The following NPAT variants were observed in gnomAD, a reference collection of about 807,000 sequenced individuals.
NPAT encodes the protein nuclear protein, coactivator of histone transcription.
In NPAT, 52 loss-of-function variants were observed where a neutral mutation model predicts 130.7. That is an observed-to-expected ratio of 0.40 (90% CI 0.32 to 0.50). The LOEUF (loss-of-function observed/expected upper bound fraction) is 0.50, where lower values mean the gene tolerates loss of function less well. Among genes scored for constraint, NPAT ranks in the 20% least tolerant of loss-of-function variants. The pLI is 0.68. For missense variants in NPAT, 1,687 were observed against 1,662.6 expected (o/e 1.01, Z -0.26); for synonymous variants, 580 against 584.8 (o/e 0.99, Z 0.12).
At chr11:108,170,607 T>G (rs2077941635) in intron 13 of NPAT, among the ~76,000 whole-genome samples, 1 of 152,232 alleles carries the variant, frequency 6.6e-6, no homozygotes, top group Admixed American at 6.5e-5. Flanking sequence ...ACAACATAGT[T>G]TGTGGCTACT....
intron 15 of NPAT, 48 bp downstream of exon 15, chr11:108,169,696 A>G (rs766312899): frequency 7.6e-7 from 1 of 1,308,632 alleles, no homozygotes; most frequent in Non-Finnish European, 1.1e-6. Context: ...CTGCAAACAA[A>G]TGAACATACA....
intron 13 of NPAT, 85 bp from the exon 14 acceptor site, chr11:108,170,128 C>A: frequency 1.2e-6 from 1 of 806,882 alleles, no homozygotes; most frequent in South Asian, 1.4e-5. Flanking sequence ...AAATTAATTA[C>A]TGCTTTGAAA....
At chr11:108,212,530 A>G (rs1237965097) in intron 1 of NPAT, among the ~76,000 whole-genome samples, 2 of 143,926 alleles carry the variant, frequency 1.4e-5, no homozygotes, top group Admixed American at 7.0e-5. Context: ...GTCTCAAAAG[A>G]AAAAAAAAAA....
rs2077844337 is a variant in NPAT, at chr11:108,161,215, A to AG, written c.3870dup (p.Ser1291LeufsTer2). 1.2e-6 allele frequency: 2 copies of AG among 1,613,976 alleles called. No individual in the cohort carries two copies. Among genetic ancestry groups the AG allele is most frequent in the Admixed American group, 1.7e-5 (1 of 59,986 alleles). On this transcript the variant is annotated frameshift_variant, in exon 17 of 18. Coordinates refer to ENST00000278612, the MANE Select transcript of NPAT (RefSeq NM_002519.3). LOFTEE classifies it high-confidence loss of function. ...CTGTCTTCACTGAAACGCCTACTAG[A>AG]GGGGGCCTTGATAATATCTATAGGT...
Position 108,179,826 on chromosome 11 carries a change from TAAGGGAA to T in NPAT, c.907-2743_907-2737del, listed in dbSNP as rs1451477258. Among the ~76,000 whole-genome samples the T allele has an allele frequency of 4.0e-5, 6 of 151,836 alleles. No individual in the cohort carries two copies. In the East Asian group the frequency reaches 1.2e-3, roughly 29 times the overall value. On this transcript the variant is annotated intron_variant, in intron 10 of 17. Transcript: ENST00000278612. ...AATAAAATAAAATAAAAAGAAATCATAAGGGAAAAGCTTCATGAGGTTAAACAGCCCA... is the reference window on the plus strand; with the variant it reads ...AATAAAATAAAATAAAAAGAAATCATAAGCTTCATGAGGTTAAACAGCCCA...
At chr11:108,204,126 G>A (rs903272521) in intron 1 of NPAT, among the ~76,000 whole-genome samples, 1 of 152,146 alleles carries the variant, frequency 6.6e-6, no homozygotes, top group Non-Finnish European at 1.5e-5. Context: ...GCAGTTAGAT[G>A]TACTTCTTCA....
intron 1 of NPAT, among the ~76,000 whole-genome samples, chr11:108,202,682 A>T (rs2134882066): frequency 6.6e-6 from 1 of 152,306 alleles, no homozygotes; most frequent in East Asian, 1.9e-4. Context: ...TGCCTTAGAA[A>T]TAATCCCCTC....
chr11:108,206,061 A>G (rs550724881), intron 1 of NPAT, among the ~76,000 whole-genome samples: 14 of 152,368 alleles, frequency 9.2e-5, no homozygotes, highest in African/African-American at 2.9e-4. Context: ...ACATAAATAA[A>G]TAAATAAAAA....
rs548421624 is a variant in NPAT, at chr11:108,214,497, G to C, written c.37+8003C>G. ...GTATAAGGATTCTCTTTGGAGTGAT[G>C]GAAATATTGAAATTACTGGTGATAT... On this transcript the variant is annotated intron_variant, in intron 1 of 17. Coordinates refer to ENST00000278612, the MANE Select transcript of NPAT (RefSeq NM_002519.3). Among the ~76,000 whole-genome samples, 9 of 152,004 alleles carry C rather than the reference G, an allele frequency of 5.9e-5. No homozygotes were observed. The South Asian group carries it at 1.7e-3, about 28-fold the overall frequency.
At chr11:108,213,462 G>A (rs998679049) in intron 1 of NPAT, among the ~76,000 whole-genome samples, 1 of 152,030 alleles carries the variant, frequency 6.6e-6, no homozygotes, top group African/African-American at 2.4e-5. Flanking sequence ...AAAAGTAAAG[G>A]ACTTGCATAC....
chr11:108,208,293 A>C, intron 1 of NPAT: 1 of 329,438 alleles, frequency 3.0e-6, no homozygotes, highest in Non-Finnish European at 6.0e-6. Flanking sequence ...AAAGATAATG[A>C]CAAAAAAGGT....
chr11:108,189,389 A>C, intron 5 of NPAT, 59 bp from the exon 6 acceptor site: 1 of 1,452,882 alleles, frequency 6.9e-7, no homozygotes, highest in Non-Finnish European at 9.7e-7. Context: ...GGGAATTGTA[A>C]GAAGTCAATA....
chr11:108,175,498 T>A (rs616288), intron 12 of NPAT, among the ~76,000 whole-genome samples: 152,010 of 152,374 alleles, frequency 1, 75,823 homozygotes, highest in Middle Eastern at 1. Context: ...TGAAGTAGGA[T>A]GACTTTCTCA....
intron 10 of NPAT, among the ~76,000 whole-genome samples, chr11:108,180,405 T>C (rs1257158746): frequency 6.6e-6 from 1 of 152,122 alleles, no homozygotes; most frequent in Non-Finnish European, 1.5e-5. Flanking sequence ...AATGAACAAA[T>C]AACTTAAACA....
At chr11:108,189,559 A>G (rs1035128244) in intron 5 of NPAT, among the ~76,000 whole-genome samples, 4 of 152,268 alleles carry the variant, frequency 2.6e-5, no homozygotes, top group African/African-American at 9.6e-5. Flanking sequence ...ATTAATATTG[A>G]TAACACCATG....
chr11:108,162,259 TATC>T, intron 15 of NPAT, 79 bp from the exon 16 acceptor site: 1 of 1,314,668 alleles, frequency 7.6e-7, no homozygotes, highest in Non-Finnish European at 1.1e-6. Flanking sequence ...AATTATCACA[TATC>T]ATGAGAAAAA....
At chr11:108,164,281 G>A (rs2077880129) in intron 15 of NPAT, among the ~76,000 whole-genome samples, 1 of 152,206 alleles carries the variant, frequency 6.6e-6, no homozygotes. Flanking sequence ...TGGAAGGTGG[G>A]TGAGAAATAC....
Position 108,160,871 on chromosome 11 carries a change from CA to C in NPAT, c.4206+8del. 6.2e-7 allele frequency: 1 copy of C among 1,608,278 alleles called. No individual in the cohort carries two copies. Among genetic ancestry groups the C allele is most frequent in the Non-Finnish European group, 8.5e-7 (1 of 1,176,896 alleles). On this transcript the variant is annotated splice_region_variant and intron_variant, in intron 17 of 17. Transcript: ENST00000278612. Reference sequence around the variant, plus strand: ...GGTGTGGTTTTGAAATTAAAACTTTCAAACTTGCCTTAATTTTCTTCTTTTT... The same window carrying C: ...GGTGTGGTTTTGAAATTAAAACTTTCAACTTGCCTTAATTTTCTTCTTTTT...
At chr11:108,176,616 T>C (rs928025601) in intron 11 of NPAT, among the ~76,000 whole-genome samples, 2 of 152,208 alleles carry the variant, frequency 1.3e-5, no homozygotes, top group African/African-American at 2.4e-5. Flanking sequence ...GCTGAGATTG[T>C]TGGTTTGGGG....
Sources: allele counts gnomAD v4.1 joint callset (sites outside exome capture counted in the v4.1 genomes callset), GRCh38; gene constraint gnomAD v4.1.1; transcripts MANE v1.5; gene names NCBI Gene and HGNC (gene_info 2026-07-23, HGNC 2026-07-21).